Variants in SCN8A observed in about 807,000 individuals in gnomAD.
The protein encoded by SCN8A is sodium voltage-gated channel alpha subunit 8.
Under a neutral mutation model 184.1 loss-of-function variants are expected in SCN8A, and 30 were observed. That is an observed-to-expected ratio of 0.16 (90% CI 0.12 to 0.22). The LOEUF (loss-of-function observed/expected upper bound fraction) is 0.22. Among genes scored for constraint, SCN8A ranks in the 10% least tolerant of loss-of-function variants. The pLI is 1.00. For missense variants in SCN8A, 1,057 were observed against 2,498.9 expected, an observed-to-expected ratio of 0.42 and a Z score of 12.30; for synonymous variants, 852 against 907.0, an observed-to-expected ratio of 0.94 and a Z score of 1.09.
chr12:51,698,410 G>C (rs1017274767), intron 6 of SCN8A, among the ~76,000 whole-genome samples: 1 of 152,218 alleles, frequency 6.6e-6, no homozygotes, highest in Non-Finnish European at 1.5e-5. Context: ...GAGCAGGGAT[G>C]AGATTCTTCC....
rs188444519 is a variant in SCN8A at position 51,744,411 on chromosome 12, G to A, written c.1999-1492G>A. On this transcript the variant is annotated intron_variant, in intron 12 of 26. Transcript: ENST00000627620. ...CTGCTCTTCTCTCCTTTTTCCACAG[G>A]CAGGAAGCCTCTTCCTGTGGCCACC... Among the ~76,000 whole-genome samples the A allele has an allele frequency of 3.4e-3, 518 of 152,214 alleles. 2 individuals carry two copies. The highest frequency in any genetic ancestry group is 0.012 in the African/African-American group (494 of 41,526).
intron 1 of SCN8A, among the ~76,000 whole-genome samples, chr12:51,643,343 A>C (rs1940496436): frequency 6.6e-6 from 1 of 152,166 alleles, no homozygotes; most frequent in African/African-American, 2.4e-5. Context: ...TTGTAAAATG[A>C]AGCTGTCAAT....
chr12:51,711,714 T>C (rs1205513743), intron 11 of SCN8A, among the ~76,000 whole-genome samples: 2 of 6,934 alleles, frequency 2.9e-4, no homozygotes, highest in Non-Finnish European at 1.7e-3. Context: ...TTCTGAGTTC[T>C]TTTTTTTTTT....
chr12:51,700,320 A>G (rs1941666343), intron 7 of SCN8A, among the ~76,000 whole-genome samples: 1 of 152,072 alleles, frequency 6.6e-6, no homozygotes, highest in Non-Finnish European at 1.5e-5. Context: ...CCTTTTTCGC[A>G]TGTACCCCTA....
At position 51,628,963 on chromosome 12, in the gene SCN8A, C is replaced by T. The variant is rs140981147; in HGVS notation, c.-54-33801C>T. 6.8e-4 allele frequency among the ~76,000 whole-genome samples: 104 copies of T among 152,238 alleles called. 1 individual carries two copies. Among genetic ancestry groups the T allele is most frequent in the African/African-American group, 2.4e-3 (99 of 41,524 alleles). On this transcript the variant is annotated intron_variant, in intron 1 of 26. Coordinates refer to ENST00000627620, the MANE Select transcript of SCN8A (RefSeq NM_001330260.2). ...AGATAAACATAGAAGTGTGTATAGA[C>T]AAGTTTCTGAAAGTCTGTCTGGTGT...
intron 11 of SCN8A, among the ~76,000 whole-genome samples, chr12:51,708,944 G>A (rs1229500594): frequency 6.6e-6 from 1 of 152,170 alleles, no homozygotes; most frequent in Non-Finnish European, 1.5e-5. Flanking sequence ...AGTACAGTGA[G>A]ACAGCTGAAT....
chr12:51,610,129 C>G (rs1355172529), intron 1 of SCN8A, among the ~76,000 whole-genome samples: 2 of 131,310 alleles, frequency 1.5e-5, no homozygotes, highest in African/African-American at 5.7e-5. Flanking sequence ...GAGATCACAC[C>G]ATGGCACTCC....
chr12:51,760,490 C>T (rs1460831461), intron 14 of SCN8A, among the ~76,000 whole-genome samples: 1 of 152,174 alleles, frequency 6.6e-6, no homozygotes, highest in Admixed American at 6.5e-5. Flanking sequence ...TATAGATATT[C>T]CATGGTCAAT....
intron 15 of SCN8A, among the ~76,000 whole-genome samples, chr12:51,763,698 A>G (rs1592148786): frequency 6.6e-6 from 1 of 152,352 alleles, no homozygotes; most frequent in Middle Eastern, 3.4e-3. Flanking sequence ...GTCCGTAAAC[A>G]TAAGCGTAAG....
At chr12:51,713,109 CT>C in intron 11 of SCN8A, 4 of 1,278,788 alleles carry the variant, frequency 3.1e-6, no homozygotes, top group South Asian at 2.3e-5. Context: ...CAGATCCTCT[CT>C]TTTTTCCACT....
rs1213920366 is a variant in SCN8A, at chr12:51,774,219, A to G, written c.3676A>G (p.Lys1226Glu). ...AFEDIYIEQR[K>E]TIRTILEYAD... Reference sequence around the variant, plus strand: ...CGAGGACATCTACATTGAGCAGAGAAAGACCATCCGCACCATCCTGGAATA... The same window carrying G: ...CGAGGACATCTACATTGAGCAGAGAGAGACCATCCGCACCATCCTGGAATA... Residue 1226 changes from lysine (K) to glutamate (E), a missense_variant, in exon 20 of 27, where the codon AAG (lysine) becomes GAG (glutamate). Lys to Glu is a moderately conservative substitution (Grantham distance 56, BLOSUM62 1). Transcript: ENST00000627620. The G allele has an allele frequency of 4.3e-6, 7 of 1,613,806 alleles. No homozygotes were observed. Among genetic ancestry groups the G allele is most frequent in the Non-Finnish European group, 5.9e-6 (7 of 1,179,782 alleles).
intron 25 of SCN8A, 25 bp from the exon 26 acceptor site, chr12:51,794,346 A>C (rs375520725): frequency 6.3e-7 from 1 of 1,593,094 alleles, no homozygotes; most frequent in Non-Finnish European, 8.6e-7. Context: ...TGAATCTTTT[A>C]TCTTTTCCTT....
chr12:51,719,945 G>C lies in SCN8A; in HGVS notation c.1636-1601G>C, dbSNP rs994918864. On this transcript the variant is annotated intron_variant, in intron 11 of 26. Coordinates refer to ENST00000627620, the MANE Select transcript of SCN8A (RefSeq NM_001330260.2). ...CAAAAAATTAGCCGGGCGTGGTAGCGGGCGCCTGTAGTCCCAGCTACTCGG... is the reference window on the plus strand; with the variant it reads ...CAAAAAATTAGCCGGGCGTGGTAGCCGGCGCCTGTAGTCCCAGCTACTCGG... Among the ~76,000 whole-genome samples, 7 of 151,774 alleles carry C rather than the reference G, an allele frequency of 4.6e-5. No individual in the cohort carries two copies. In the South Asian group the frequency reaches 1.5e-3, roughly 32 times the overall value.
rs1941784398 is a variant in SCN8A at position 51,706,445 on chromosome 12, A to G, written c.1365A>G (p.Ala455=). Residue 455 remains alanine, a synonymous_variant, in exon 11 of 27, where the codon GCA becomes GCG. Coordinates refer to ENST00000627620, the MANE Select transcript of SCN8A (RefSeq NM_001330260.2). ...EAQAAAMATS[A]GTVSEDAIEE... ...AGGCTGCTGCGATGGCCACTTCAGCAGGAACTGTCTCAGAAGATGCCATAG... is the reference window on the plus strand; with the variant it reads ...AGGCTGCTGCGATGGCCACTTCAGCGGGAACTGTCTCAGAAGATGCCATAG... The G allele has an allele frequency of 1.3e-6, 2 of 1,596,884 alleles. No individual in the cohort carries two copies. Among genetic ancestry groups the G allele is most frequent in the Non-Finnish European group, 1.7e-6 (2 of 1,172,608 alleles).
rs910128314 is a variant in SCN8A at position 51,670,561 on chromosome 12, G to A, written c.276+7468G>A. 2.0e-4 allele frequency among the ~76,000 whole-genome samples: 31 copies of A among 152,104 alleles called. 1 individual carries two copies. The highest frequency in any genetic ancestry group is 7.5e-4 in the African/African-American group (31 of 41,420). On this transcript the variant is annotated intron_variant, in intron 2 of 26. Coordinates refer to ENST00000627620, the MANE Select transcript of SCN8A (RefSeq NM_001330260.2). ...CTTAGAATGTTAGACTCAGAGGTGT[G>A]GTGTTTGTTTGAGAAGCAGTAGAGA...
At chr12:51,684,091 G>A in intron 2 of SCN8A, 83 bp from the exon 3 acceptor site, 3 of 779,072 alleles carry the variant, frequency 3.9e-6, no homozygotes, top group Non-Finnish European at 6.9e-6. Context: ...TTGAGTTTAT[G>A]TATTCCTTAC....
chr12:51,673,522 G>A (rs1253214280), intron 2 of SCN8A, among the ~76,000 whole-genome samples: 2 of 152,202 alleles, frequency 1.3e-5, no homozygotes, highest in Non-Finnish European at 2.9e-5. Flanking sequence ...GGGTAGATGA[G>A]CTAAGGGGTA....
intron 24 of SCN8A, 41 bp from the exon 25 acceptor site, chr12:51,790,357 G>T: frequency 7.0e-7 from 1 of 1,428,102 alleles, no homozygotes. Context: ...AGCATGTTGA[G>T]AGCCAGTTGT....
intron 11 of SCN8A, among the ~76,000 whole-genome samples, chr12:51,716,163 G>T: frequency 1.4e-5 from 1 of 69,500 alleles, no homozygotes; most frequent in East Asian, 5.9e-4. Flanking sequence ...GCGAAACCCT[G>T]TATCTACAAA....
Sources: allele counts gnomAD v4.1 joint callset (sites outside exome capture counted in the v4.1 genomes callset), GRCh38; gene constraint gnomAD v4.1.1; transcripts MANE v1.5; gene names NCBI Gene and HGNC (gene_info 2026-07-23, HGNC 2026-07-21).